Variants in ZHX2 observed in about 807,000 individuals in gnomAD.
ZHX2 encodes zinc fingers and homeoboxes protein 2.
Under a neutral mutation model 21.9 loss-of-function variants are expected in ZHX2, and 6 were observed. That is an observed-to-expected ratio of 0.27 (90% confidence interval 0.15 to 0.54). The LOEUF (loss-of-function observed/expected upper bound fraction) is 0.54, where lower values mean the gene tolerates loss of function less well. ZHX2 is among the 20% of genes least tolerant of loss of function. The pLI, the probability that ZHX2 is intolerant of heterozygous loss-of-function variation, is 0.95. For missense variants in ZHX2, 908 were observed against 1,090.7 expected (o/e 0.83, Z 2.36); for synonymous variants, 434 against 437.1 (o/e 0.99, Z 0.09).
At chr8:122,863,812 T>A (rs1024144858) in intron 2 of ZHX2, among the ~76,000 whole-genome samples, 1 of 152,066 alleles carries the variant, frequency 6.6e-6, no homozygotes, top group African/African-American at 2.4e-5. Context: ...AGACTCACCA[T>A]CCAGAGGGCA....
At chr8:122,912,461 A>AGGAGGTG (rs547340528) in intron 2 of ZHX2, among the ~76,000 whole-genome samples, 1 of 152,102 alleles carries the variant, frequency 6.6e-6, no homozygotes, top group Non-Finnish European at 1.5e-5. Flanking sequence ...GACATGTAAT[A>AGGAGGTG]GGAGGTGGGA....
At chr8:122,969,890 C>A (rs1813677010) in intron 3 of ZHX2, among the ~76,000 whole-genome samples, 1 of 152,134 alleles carries the variant, frequency 6.6e-6, no homozygotes. Flanking sequence ...CATGGGAAAA[C>A]AATTCTAATG....
intron 2 of ZHX2, among the ~76,000 whole-genome samples, chr8:122,908,280 A>G (rs1430029415): frequency 1.3e-5 from 2 of 152,012 alleles, no homozygotes; most frequent in Non-Finnish European, 2.9e-5. Flanking sequence ...GCTCACTGCA[A>G]CCTCCGCCTC....
chr8:122,870,636 C>G (rs1483625844), intron 2 of ZHX2, among the ~76,000 whole-genome samples: 3 of 58,762 alleles, frequency 5.1e-5, no homozygotes, highest in African/African-American at 1.4e-4. Flanking sequence ...AAGTCTCTGT[C>G]TCAAAAAAAA....
At chr8:122,934,265 T>C (rs1381091126) in intron 2 of ZHX2, among the ~76,000 whole-genome samples, 1 of 152,232 alleles carries the variant, frequency 6.6e-6, no homozygotes, top group Non-Finnish European at 1.5e-5. Flanking sequence ...AACCGTTCTG[T>C]ACTGATTCTA....
At chr8:122,901,854 GA>G (rs956879520) in intron 2 of ZHX2, among the ~76,000 whole-genome samples, 10 of 151,872 alleles carry the variant, frequency 6.6e-5, no homozygotes, top group African/African-American at 1.4e-4. Context: ...TTGTAAGGGG[GA>G]AAAAAAATCA....
intron 1 of ZHX2, among the ~76,000 whole-genome samples, chr8:122,815,104 A>G (rs35663719): frequency 0.031 from 4,794 of 152,298 alleles, 129 homozygotes; most frequent in Non-Finnish European, 0.048. Context: ...GGTATATGAA[A>G]GGGGTTCATA....
chr8:122,819,661 G>A (rs1206200826), intron 1 of ZHX2, among the ~76,000 whole-genome samples: 2 of 152,168 alleles, frequency 1.3e-5, no homozygotes, highest in Non-Finnish European at 2.9e-5. Flanking sequence ...TGCTCCATGG[G>A]GACCCCAGCT....
At chr8:122,849,822 C>G (rs184085774) in intron 1 of ZHX2, among the ~76,000 whole-genome samples, 8 of 152,332 alleles carry the variant, frequency 5.3e-5, no homozygotes, top group African/African-American at 1.9e-4. Context: ...ACTCATCTAT[C>G]AAATGAGGAT....
chr8:122,920,428 G>C (rs946746485), intron 2 of ZHX2, among the ~76,000 whole-genome samples: 21 of 151,504 alleles, frequency 1.4e-4, no homozygotes, highest in African/African-American at 5.1e-4. Flanking sequence ...TACACTTTTA[G>C]TGTACAATTC....
At chr8:122,912,108 A>G (rs1395123147) in intron 2 of ZHX2, among the ~76,000 whole-genome samples, 1 of 152,170 alleles carries the variant, frequency 6.6e-6, no homozygotes, top group Non-Finnish European at 1.5e-5. Context: ...GGGTTCATGA[A>G]GATGGTGGCG....
At chr8:122,812,902 A>C (rs938949431) in intron 1 of ZHX2, among the ~76,000 whole-genome samples, 7 of 152,160 alleles carry the variant, frequency 4.6e-5, no homozygotes, top group Non-Finnish European at 8.8e-5. Flanking sequence ...CTACTCTAAG[A>C]AGTAGGTACT....
At chr8:122,841,061 G>A (rs1289552008) in intron 1 of ZHX2, among the ~76,000 whole-genome samples, 1 of 152,190 alleles carries the variant, frequency 6.6e-6, no homozygotes, top group African/African-American at 2.4e-5. Context: ...ACTGAGCATT[G>A]ACTGTTTACC....
At chr8:122,941,459 G>C (rs186244051) in intron 2 of ZHX2, among the ~76,000 whole-genome samples, 4 of 152,266 alleles carry the variant, frequency 2.6e-5, no homozygotes, top group African/African-American at 9.6e-5. Flanking sequence ...TGTGGATCGT[G>C]TTTATAAAGA....
chr8:122,856,930 G>T (rs1040629398), intron 1 of ZHX2, among the ~76,000 whole-genome samples: 1 of 152,132 alleles, frequency 6.6e-6, no homozygotes, highest in African/African-American at 2.4e-5. Context: ...CTTCTTGAAA[G>T]GACTCCAAAC....
chr8:122,858,159 C>T (rs1819074495), intron 1 of ZHX2, among the ~76,000 whole-genome samples: 1 of 152,218 alleles, frequency 6.6e-6, no homozygotes, highest in Non-Finnish European at 1.5e-5. Flanking sequence ...CTGGTCTGGG[C>T]TGGCTCCAGC....
intron 1 of ZHX2, among the ~76,000 whole-genome samples, chr8:122,820,271 G>A (rs55666758): frequency 0.23 from 35,546 of 152,104 alleles, 4,323 homozygotes; most frequent in East Asian, 0.29. Context: ...TCGCAGGCCA[G>A]GGAGGAGCAG....
intron 1 of ZHX2, among the ~76,000 whole-genome samples, chr8:122,793,838 C>T (rs1817568865): frequency 6.6e-6 from 1 of 152,158 alleles, no homozygotes; most frequent in Admixed American, 6.5e-5. Flanking sequence ...CTGGCAGGGC[C>T]ATGGGACCAA....
At chr8:122,942,647 C>T (rs1812875283) in intron 2 of ZHX2, among the ~76,000 whole-genome samples, 1 of 152,172 alleles carries the variant, frequency 6.6e-6, no homozygotes, top group Non-Finnish European at 1.5e-5. Flanking sequence ...TCTGACTCCT[C>T]ACCTCCCCCA....
Sources: allele counts gnomAD v4.1 joint callset (sites outside exome capture counted in the v4.1 genomes callset), GRCh38; gene constraint gnomAD v4.1.1; transcripts MANE v1.5; gene names NCBI Gene and HGNC (gene_info 2026-07-23, HGNC 2026-07-21).